Variants in PRELID2 observed in about 807,000 individuals in gnomAD.
PRELID2 encodes PRELI domain containing 2.
Under a neutral mutation model 28.4 loss-of-function variants are expected in PRELID2, and 25 were observed. The ratio of observed to expected loss-of-function variants is 0.88; its 90% CI spans 0.64 to 1.23. The LOEUF is 1.23. Ranked by LOEUF, PRELID2 falls within the 50% of genes most tolerant of loss-of-function variation. PRELID2 has a pLI of 0.00. For synonymous variants in PRELID2, 76 were observed against 71.6 expected (o/e 1.06, Z -0.31); for missense variants, 201 against 214.4 (o/e 0.94, Z 0.39).
intron 1 of PRELID2, among the ~76,000 whole-genome samples, chr5:145,668,644 A>G (rs543839886): frequency 6.6e-6 from 1 of 152,240 alleles, no homozygotes; most frequent in South Asian, 2.1e-4. Context: ...GGTATATTAT[A>G]TAATATAATC....
At chr5:145,652,041 G>C (rs2149671725) in intron 1 of PRELID2, among the ~76,000 whole-genome samples, 1 of 152,300 alleles carries the variant, frequency 6.6e-6, no homozygotes, top group South Asian at 2.1e-4. Context: ...AAAATAACCA[G>C]TGTAGAGAAG....
intron 1 of PRELID2, among the ~76,000 whole-genome samples, chr5:145,644,943 T>C (rs1216126403): frequency 6.6e-6 from 1 of 152,194 alleles, no homozygotes; most frequent in African/African-American, 2.4e-5. Flanking sequence ...AACTATGTGG[T>C]CAATTTTAGA....
At chr5:145,504,872 T>C (rs1018876152) in intron 1 of PRELID2, among the ~76,000 whole-genome samples, 12 of 152,170 alleles carry the variant, frequency 7.9e-5, no homozygotes, top group Non-Finnish European at 1.2e-4. Context: ...CCTACCCAGC[T>C]GAGAACCACA....
At chr5:145,618,093 GT>G (rs1357804287) in intron 1 of PRELID2, among the ~76,000 whole-genome samples, 1 of 151,918 alleles carries the variant, frequency 6.6e-6, no homozygotes, top group African/African-American at 2.4e-5. Flanking sequence ...TTCTTGTATT[GT>G]TTTTTGGATA....
intron 4 of PRELID2, among the ~76,000 whole-genome samples, chr5:145,808,700 A>C (rs1753716015): frequency 6.6e-6 from 1 of 152,006 alleles, no homozygotes; most frequent in African/African-American, 2.4e-5. Flanking sequence ...GCTGGACAAC[A>C]CAGTGACACC....
the PRELID2 span, among the ~76,000 whole-genome samples, chr5:145,381,956 GT>G: frequency 1.2e-3 from 181 of 145,730 alleles, no homozygotes; most frequent in Admixed American, 1.9e-3. Flanking sequence ...GGATTACTTA[GT>G]TTTTTTTTTT....
intron 1 of PRELID2, among the ~76,000 whole-genome samples, chr5:145,521,216 T>C (rs901213896): frequency 6.6e-6 from 1 of 152,176 alleles, no homozygotes; most frequent in African/African-American, 2.4e-5. Flanking sequence ...GTTCCGACCA[T>C]TTATTTATAA....
intron 1 of PRELID2, among the ~76,000 whole-genome samples, chr5:145,533,982 G>T (rs749173773): frequency 6.6e-6 from 1 of 152,030 alleles, no homozygotes; most frequent in East Asian, 1.9e-4. Context: ...AGTGATAGAA[G>T]TTGAAATTGG....
the PRELID2 span, among the ~76,000 whole-genome samples, chr5:145,454,508 C>T: frequency 6.6e-6 from 1 of 152,124 alleles, no homozygotes; most frequent in Admixed American, 6.6e-5. Context: ...TTGCAGATGA[C>T]ATGATTGTAT....
At chr5:145,664,410 G>C (rs1754550210) in intron 1 of PRELID2, among the ~76,000 whole-genome samples, 1 of 152,084 alleles carries the variant, frequency 6.6e-6, no homozygotes, top group African/African-American at 2.4e-5. Flanking sequence ...TAGCACCCAA[G>C]AACTAGGTTT....
the PRELID2 span, among the ~76,000 whole-genome samples, chr5:145,439,314 C>A: frequency 6.6e-6 from 1 of 152,008 alleles, no homozygotes; most frequent in African/African-American, 2.4e-5. Flanking sequence ...TACTGGCCCC[C>A]ATTCTGGCGC....
chr5:145,336,117 GTTGT>G, the PRELID2 span, among the ~76,000 whole-genome samples: 5 of 152,132 alleles, frequency 3.3e-5, no homozygotes, highest in African/African-American at 1.2e-4. Context: ...TTCTGATGGG[GTTGT>G]TTGTTTTTTT....
chr5:145,366,105 T>C, the PRELID2 span, among the ~76,000 whole-genome samples: 10 of 151,880 alleles, frequency 6.6e-5, no homozygotes, highest in African/African-American at 2.4e-4. Context: ...AGTGGGTATG[T>C]TGGGGACAGA....
intron 5 of PRELID2, among the ~76,000 whole-genome samples, chr5:145,785,698 A>G (rs1214345342): frequency 6.6e-6 from 1 of 152,254 alleles, no homozygotes. Flanking sequence ...GATATTAGAA[A>G]TGGACTGTCA....
chr5:145,696,125 T>G (rs1252555982), intron 1 of PRELID2, among the ~76,000 whole-genome samples: 3 of 151,632 alleles, frequency 2.0e-5, no homozygotes, highest in African/African-American at 7.3e-5. Context: ...CTTAGTATAG[T>G]TTCTGGCACA....
intron 4 of PRELID2, among the ~76,000 whole-genome samples, chr5:145,798,648 A>C (rs1752921158): frequency 6.6e-6 from 1 of 152,260 alleles, no homozygotes; most frequent in Admixed American, 6.5e-5. Flanking sequence ...GATAGACTGG[A>C]TTCAGAAAAT....
intron 1 of PRELID2, among the ~76,000 whole-genome samples, chr5:145,667,078 G>C (rs1192257018): frequency 6.6e-6 from 1 of 152,002 alleles, no homozygotes; most frequent in African/African-American, 2.4e-5. Context: ...CATTTTATCT[G>C]AACATTTATT....
At chr5:145,597,865 G>T (rs1753332136) in intron 1 of PRELID2, among the ~76,000 whole-genome samples, 1 of 152,156 alleles carries the variant, frequency 6.6e-6, no homozygotes, top group South Asian at 2.1e-4. Context: ...ATTGCATTGA[G>T]TAAGGAGCTG....
chr5:145,647,210 C>T (rs1754211785), intron 1 of PRELID2, among the ~76,000 whole-genome samples: 1 of 152,226 alleles, frequency 6.6e-6, no homozygotes, highest in South Asian at 2.1e-4. Flanking sequence ...TCAGAGATGC[C>T]CTGCCCAGAG....
Sources: gnomAD v4.1 joint callset for allele counts (sites outside exome capture counted in the v4.1 genomes callset) on GRCh38, gnomAD v4.1.1 for gene constraint, MANE v1.5 for transcripts, NCBI Gene and HGNC (gene_info 2026-07-23, HGNC 2026-07-21) for gene names.